STPG2: variants seen among roughly 807,000 people sequenced by gnomAD.
STPG2 encodes the protein sperm tail PG-rich repeat containing 2, also known as sperm-tail PG-rich repeat-containing protein 2.
STPG2 carries 56 observed loss-of-function variants against 54.2 expected under a neutral mutation model. That is an observed-to-expected ratio of 1.03 (90% confidence interval 0.83 to 1.29). STPG2 has a LOEUF of 1.29. Among genes scored for constraint, STPG2 ranks in the 50% most tolerant of loss-of-function variants. The pLI, the probability that STPG2 is intolerant of heterozygous loss-of-function variation, is 0.00. For synonymous variants in STPG2, 200 were observed against 181.8 expected (o/e 1.10, Z -0.81); for missense variants, 596 against 544.9 (o/e 1.09, Z -0.93).
At chr4:98,069,577 CGT>C (rs1188474405) in intron 5 of STPG2, among the ~76,000 whole-genome samples, 1 of 151,948 alleles carries the variant, frequency 6.6e-6, no homozygotes, top group Non-Finnish European at 1.5e-5. Flanking sequence ...GAGGCAAAAA[CGT>C]GTGCTGCTTA....
intron 9 of STPG2, among the ~76,000 whole-genome samples, chr4:97,840,155 CTTCT>C (rs1207582683): frequency 1.3e-5 from 2 of 151,228 alleles, no homozygotes; most frequent in African/African-American, 4.8e-5. Flanking sequence ...TTTAATATAG[CTTCT>C]TTCTTTATAT....
chr4:97,954,139 A>G (rs1346489290), intron 7 of STPG2, among the ~76,000 whole-genome samples: 2 of 152,248 alleles, frequency 1.3e-5, no homozygotes, highest in African/African-American at 4.8e-5. Flanking sequence ...CTTTGGCTCT[A>G]GAGGAAATGA....
At chr4:97,613,475 CGTGTGTGTGTGTGTGTGTGTGT>C (rs70953075) in intron 10 of STPG2, among the ~76,000 whole-genome samples, 19 of 142,244 alleles carry the variant, frequency 1.3e-4, no homozygotes, top group African/African-American at 3.8e-4. Context: ...AGTCATCACC[CGTGTGTGTGTGTGTGTGTGTGT>C]GTGTGTGTGT....
chr4:98,022,876 T>A (rs7684432), intron 5 of STPG2, among the ~76,000 whole-genome samples: 56 of 152,028 alleles, frequency 3.7e-4, no homozygotes, highest in African/African-American at 1.2e-3. Context: ...CATCAGCTCC[T>A]TTAAGCACTT....
At chr4:98,005,579 T>C (rs1162565406) in intron 5 of STPG2, among the ~76,000 whole-genome samples, 1 of 152,222 alleles carries the variant, frequency 6.6e-6, no homozygotes, top group Non-Finnish European at 1.5e-5. Context: ...CTTAATTTGC[T>C]GAGACTTTTG....
At chr4:97,480,852 T>C (rs574760284) in intron 4 of STPG2, among the ~76,000 whole-genome samples, 64 of 151,724 alleles carry the variant, frequency 4.2e-4, no homozygotes, top group African/African-American at 1.4e-3. Context: ...ACATTTTTTT[T>C]CCCAGGATAA....
At chr4:97,485,430 T>C (rs868495277) in intron 4 of STPG2, among the ~76,000 whole-genome samples, 3 of 151,694 alleles carry the variant, frequency 2.0e-5, no homozygotes, top group Middle Eastern at 6.8e-3. Flanking sequence ...AAGTGGAGAA[T>C]CAAATGAAGA....
intron 4 of STPG2, among the ~76,000 whole-genome samples, chr4:97,497,633 A>C (rs1730639010): frequency 6.6e-6 from 1 of 151,868 alleles, no homozygotes; most frequent in South Asian, 2.1e-4. Flanking sequence ...AATTACTTGG[A>C]AACTATGATT....
In STPG2 at chr4:97,712,763, A is replaced by G; in HGVS notation, c.1256T>C (p.Phe419Ser). ...TTCAAAGCGCTTTGATGCTTTCACA[A>G]ATAAGGGTATGGGGCAAGATTTCCT... is the stretch of plus-strand genomic sequence containing the variant. ...VLRKSCPIPL[F>S]VKASKRFEES... The change falls in exon 10 of 11, where the codon TTT becomes TCT. Residue 419 changes from phenylalanine (F) to serine (S), a missense_variant. Physicochemically the swap from Phe to Ser is radical, Grantham distance 155. Transcript: ENST00000295268. The G allele has an allele frequency of 1.9e-6, 3 of 1,609,568 alleles. No homozygotes were observed. Among genetic ancestry groups the G allele is most frequent in the African/African-American group, 1.3e-5 (1 of 74,906 alleles).
chr4:97,625,819 T>C (rs762882582), intron 10 of STPG2, among the ~76,000 whole-genome samples: 1 of 152,224 alleles, frequency 6.6e-6, no homozygotes, highest in Admixed American at 6.5e-5. Flanking sequence ...TGTGATTCCA[T>C]GAACCAAGCC....
chr4:97,684,087 A>T lies in STPG2; in HGVS notation c.1320+28612T>A, dbSNP rs186704031. On this transcript the variant is annotated intron_variant, in intron 10 of 10. Transcript: ENST00000295268. ...AGATATATGAGGGAAACTATGACAC[A>T]TTTATGAAATAAATCGAAGATATAA... Among the ~76,000 whole-genome samples, 817 of 152,048 alleles carry T rather than the reference A, an allele frequency of 5.4e-3. 7 individuals carry two copies. The highest frequency in any genetic ancestry group is 9.3e-3 in the Non-Finnish European group (632 of 67,806).
At chr4:97,821,942 C>T (rs989509215) in intron 9 of STPG2, among the ~76,000 whole-genome samples, 1 of 152,190 alleles carries the variant, frequency 6.6e-6, no homozygotes, top group Non-Finnish European at 1.5e-5. Flanking sequence ...CATGTCTTGG[C>T]TATTAGCACT....
rs545600023 is a variant in STPG2, at chr4:97,940,927, T to C, written c.1044+2970A>G. On this transcript the variant is annotated intron_variant, in intron 8 of 10. Coordinates refer to ENST00000295268, the MANE Select transcript of STPG2 (RefSeq NM_174952.3). ...TGCTCGGTTCATATTCATCTTTGTC[T>C]TTATGTCACCATTCTTTTGTTTCCT... Among the ~76,000 whole-genome samples the C allele has an allele frequency of 3.3e-5, 5 of 152,250 alleles. No individual in the cohort carries two copies. In the South Asian group the frequency reaches 1.0e-3, roughly 32 times the overall value.
intron 5 of STPG2, among the ~76,000 whole-genome samples, chr4:98,095,113 TTAAAA>T (rs1738812587): frequency 6.6e-6 from 1 of 152,136 alleles, no homozygotes; most frequent in African/African-American, 2.4e-5. Flanking sequence ...TTACAACAGT[TTAAAA>T]TAATGGGTTA....
chr4:97,942,611 C>T (rs1733032467), intron 8 of STPG2, among the ~76,000 whole-genome samples: 2 of 152,080 alleles, frequency 1.3e-5, no homozygotes. Context: ...TCCTGAATAG[C>T]TTTCACCAAA....
At chr4:98,122,726 AT>A (rs143884634) in intron 3 of STPG2, among the ~76,000 whole-genome samples, 60,053 of 151,674 alleles carry the variant, frequency 0.4, 12,125 homozygotes, top group African/African-American at 0.45. Context: ...CCTCCTTTTC[AT>A]TTTTTTTGGA....
rs546805175 is a variant in STPG2, at chr4:98,006,970, G to A, written c.613-25652C>T. Among the ~76,000 whole-genome samples, 5 of 152,158 alleles carry A rather than the reference G, an allele frequency of 3.3e-5. No individual in the cohort carries two copies. The East Asian group carries it at 9.7e-4, about 30-fold the overall frequency. On this transcript the variant is annotated intron_variant, in intron 5 of 10. Coordinates refer to ENST00000295268, the MANE Select transcript of STPG2 (RefSeq NM_174952.3). ...ACCTAGGCTTATCTCCAGGCATCTG[G>A]CAACTGCCCCCCAGATCCCTGTCAG...
rs1054160138 is a variant in STPG2, at chr4:97,972,423, C to T, written c.790G>A (p.Val264Ile). 1.8e-5 allele frequency: 28 copies of T among 1,553,602 alleles called. No homozygotes were observed. Among genetic ancestry groups the T allele is most frequent in the Non-Finnish European group, 2.3e-5 (26 of 1,148,566 alleles). ...CTGGCAATTATAGTATTGTTCAAGACATTATAAAATCCAGGACCTAAAATT... is the reference window on the plus strand; with the variant it reads ...CTGGCAATTATAGTATTGTTCAAGATATTATAAAATCCAGGACCTAAAATT... ...EEMPGPGFYN[V>I]LNNTIIASVR... Residue 264 changes from valine (V) to isoleucine (I), a missense_variant, in exon 7 of 11, where the codon GTC (valine) becomes ATC (isoleucine). Coordinates refer to ENST00000295268, the MANE Select transcript of STPG2 (RefSeq NM_174952.3).
intron 8 of STPG2, among the ~76,000 whole-genome samples, chr4:97,845,610 C>CTT (rs1464232505): frequency 6.6e-6 from 1 of 152,112 alleles, no homozygotes; most frequent in Non-Finnish European, 1.5e-5. Context: ...TTCTAAATTG[C>CTT]TTTTTGTTTT....
Sources: allele counts gnomAD v4.1 joint callset (sites outside exome capture counted in the v4.1 genomes callset), GRCh38; gene constraint gnomAD v4.1.1; transcripts MANE v1.5; gene names NCBI Gene and HGNC (gene_info 2026-07-23, HGNC 2026-07-21).